The following ARHGAP45 variants were observed in gnomAD, a reference collection of about 807,000 sequenced individuals.
The protein encoded by ARHGAP45 is Rho GTPase activating protein 45, also known as rho GTPase-activating protein 45.
Under a neutral mutation model 116.1 loss-of-function variants are expected in ARHGAP45, and 56 were observed. That is an observed-to-expected ratio of 0.48 (90% CI 0.39 to 0.60). The LOEUF is 0.60. ARHGAP45 is among the 20% of genes least tolerant of loss of function. The pLI is 0.00. For missense variants in ARHGAP45, 1,622 were observed against 1,601.0 expected, an observed-to-expected ratio of 1.01 and a Z score of -0.22; for synonymous variants, 866 against 701.7, an observed-to-expected ratio of 1.23 and a Z score of -3.70.
At chr19:1,083,483 C>A in intron 21 of ARHGAP45, 130 bp downstream of exon 21, 1 of 749,844 alleles carries the variant, frequency 1.3e-6, no homozygotes, top group South Asian at 1.8e-5. Flanking sequence ...CAGGGCTGTT[C>A]GGGAGGCCAC....
intron 17 of ARHGAP45, 134 bp from the exon 18 acceptor site, chr19:1,081,416 C>T (rs1044858243): frequency 2.1e-6 from 2 of 947,894 alleles, no homozygotes; most frequent in Admixed American, 3.1e-5. Flanking sequence ...AGCCACGAGC[C>T]ACTGTCCAGC....
At position 1,086,093 on chromosome 19, in the gene ARHGAP45, G is replaced by A. The variant is rs933163842; in HGVS notation, c.*87G>A. ...GTCCCCTGCACCACGGCATAGCTTA[G>A]GTGCGCCGTCCTGGGGTCGCTGCCG... On this transcript the variant is annotated 3_prime_UTR_variant, in exon 23 of 23. Coordinates refer to ENST00000313093, the MANE Select transcript of ARHGAP45 (RefSeq NM_012292.5). 1.6e-6 allele frequency: 2 copies of A among 1,262,844 alleles called. No homozygotes were observed. The highest frequency in any genetic ancestry group is 3.0e-5 in the African/African-American group (2 of 67,692). 78.2% of individuals were successfully genotyped at this position (1,262,844 alleles called of 1,614,324 possible). A position where few individuals can be genotyped will look rare whatever the true frequency, so the allele number is the denominator to read the frequency against.
chr19:1,081,543 C>A lies in ARHGAP45; in HGVS notation c.2191-7C>A. Reference sequence around the variant, plus strand: ...GGGCTGGGCTCACTCACTCTGGCCGCCCCCAGTGCTGCCTGGCCTGCCACA... The same window carrying A: ...GGGCTGGGCTCACTCACTCTGGCCGACCCCAGTGCTGCCTGGCCTGCCACA... On this transcript the variant is annotated splice_region_variant and splice_polypyrimidine_tract_variant and intron_variant, in intron 17 of 22. Coordinates refer to ENST00000313093, the MANE Select transcript of ARHGAP45 (RefSeq NM_012292.5). The A allele has an allele frequency of 6.8e-7, 1 of 1,460,392 alleles. No homozygotes were observed. Among genetic ancestry groups the A allele is most frequent in the African/African-American group, 1.4e-5 (1 of 69,908 alleles). 90.5% of individuals were successfully genotyped at this position (1,460,392 alleles called of 1,614,324 possible).
Position 1,077,473 on chromosome 19 carries a change from T to A in ARHGAP45, c.1186-384T>A, listed in dbSNP as rs563195495. 1,662 of 1,028,770 alleles carry A rather than the reference T, an allele frequency of 1.6e-3. 2 individuals are homozygous for A. The highest frequency in any genetic ancestry group is 1.7e-3 in the Non-Finnish European group (1,407 of 837,166). 63.7% of individuals were successfully genotyped at this position (1,028,770 alleles called of 1,614,324 possible). ...CTCACTGCAACCTTCGCCTCCTGGG[T>A]TCAAGCTGTTCGCGATTCTAGTGCC... On this transcript the variant is annotated intron_variant, in intron 10 of 22. Coordinates refer to ENST00000313093, the MANE Select transcript of ARHGAP45 (RefSeq NM_012292.5).
rs139758368 is a variant in ARHGAP45 at position 1,069,535 on chromosome 19, G to GGCCAGGGCAGGGC, written c.421+791_421+792insGCCAGGGCAGGGC. On this transcript the variant is annotated intron_variant, in intron 2 of 22. Transcript: ENST00000313093. This position sits in a 1 kb window ranked among gnomAD's most constrained non-coding sequence, Gnocchi z 4.1. ...GTCTCTAGTGAGGCCCTGACCCCTG[G>GGCCAGGGCAGGGC]CTCACCCAGCCAGGGCAGGGCAGAG... is the stretch of plus-strand genomic sequence containing the variant. Among the ~76,000 whole-genome samples, 889 of 152,346 alleles carry GGCCAGGGCAGGGC rather than the reference G, an allele frequency of 5.8e-3. 6 individuals carry two copies. Among genetic ancestry groups the GGCCAGGGCAGGGC allele is most frequent in the African/African-American group, 0.021 (862 of 41,590 alleles).
Position 1,071,465 on chromosome 19 carries a change from C to G in ARHGAP45, c.422-1684C>G. On this transcript the variant is annotated intron_variant, in intron 2 of 22. Coordinates refer to ENST00000313093, the MANE Select transcript of ARHGAP45 (RefSeq NM_012292.5). The surrounding 1 kb of genome is among the most constrained non-coding windows in gnomAD (Gnocchi z 4.6). ...GGAGCAGCGGCTGCCGCGCGCCTGG[C>G]CTGGCCGTGCGCACCTGGGCATCCC... 2 of 886,352 alleles carry G rather than the reference C, an allele frequency of 2.3e-6. No homozygotes were observed. Among genetic ancestry groups the G allele is most frequent in the Non-Finnish European group, 2.8e-6 (2 of 726,702 alleles). The allele number at this position is 886,352 out of a possible 1,614,324, so 54.9% of individuals were successfully genotyped here.
chr19:1,082,559 A>C, intron 19 of ARHGAP45: 1 of 486,450 alleles, frequency 2.1e-6, no homozygotes, highest in Non-Finnish European at 3.6e-6. Context: ...GGAAGGGGTC[A>C]GACTATGCTG....
upstream of ARHGAP45, chr19:1,066,454 T>C (rs1201588305): frequency 2.2e-6 from 1 of 463,616 alleles, no homozygotes; most frequent in Non-Finnish European, 4.0e-6. Flanking sequence ...CTGGGGACCT[T>C]AGCTAAGGGC....
Position 1,082,831 on chromosome 19 carries a change from T to C in ARHGAP45, c.2518-9T>C, listed in dbSNP as rs373582916. ...CCACCAACACCTGCTGACCCTTGAC[T>C]CTGCGCAGCTTCCCGAGCCGCTCAT... On this transcript the variant is annotated splice_polypyrimidine_tract_variant and intron_variant, in intron 19 of 22. Coordinates refer to ENST00000313093, the MANE Select transcript of ARHGAP45 (RefSeq NM_012292.5). 4 of 1,485,104 alleles carry C rather than the reference T, an allele frequency of 2.7e-6. No homozygotes were observed. The highest frequency in any genetic ancestry group is 2.8e-5 in the African/African-American group (2 of 71,572). 92.0% of individuals were successfully genotyped at this position (1,485,104 alleles called of 1,614,324 possible).
At chr19:1,085,547 C>T in intron 22 of ARHGAP45, 113 bp from the exon 23 acceptor site, 1 of 753,456 alleles carries the variant, frequency 1.3e-6, no homozygotes, top group Non-Finnish European at 2.1e-6. Flanking sequence ...TCCTGTCTCT[C>T]CATCTCTCTC....
chr19:1,077,678 G>A (rs1186723873), intron 10 of ARHGAP45, 179 bp from the exon 11 acceptor site: 16 of 1,463,746 alleles, frequency 1.1e-5, no homozygotes, highest in Middle Eastern at 2.2e-4. Context: ...GAGCCACCGC[G>A]CCCGGCCACT....
At chr19:1,084,395 A>T in intron 22 of ARHGAP45, 49 bp downstream of exon 22, 1 of 1,437,302 alleles carries the variant, frequency 7.0e-7, no homozygotes, top group Non-Finnish European at 9.6e-7. Flanking sequence ...GGCGTGTGCC[A>T]CCCATGGGCG....
chr19:1,080,922 C>G lies in ARHGAP45; in HGVS notation c.2048C>G (p.Pro683Arg). 3 of 1,609,070 alleles carry G rather than the reference C, an allele frequency of 1.9e-6. No individual in the cohort carries two copies. The South Asian group carries it at 3.3e-5, about 18-fold the overall frequency. Residue 683 changes from proline to arginine, a missense_variant, in exon 17 of 23, where the codon CCG becomes CGG. Pro to Arg is a moderately radical substitution (Grantham distance 103, BLOSUM62 -2). Coordinates refer to ENST00000313093, the MANE Select transcript of ARHGAP45 (RefSeq NM_012292.5). ...CTCAACGGCATGACCCCCGAGCTGC[C>G]GGTGGCCGTGCCCAGTGGACCGTTC... ...ADLNGMTPEL[P>R]VAVPSGPFRH...
At chr19:1,066,016 C>T (rs1429795872), upstream of ARHGAP45, 8 of 1,535,036 alleles carry the variant, frequency 5.2e-6, no homozygotes, top group Non-Finnish European at 7.0e-6. Context: ...TGACCCCAGC[C>T]CTCAGCGCCA....
upstream of ARHGAP45, chr19:1,066,465 A>C (rs556122540): frequency 4.3e-4 from 193 of 444,656 alleles, 5 homozygotes; most frequent in South Asian, 4.4e-3. Context: ...AGCTAAGGGC[A>C]GGTCTGGGGC....
chr19:1,074,727 G>A lies in ARHGAP45; in HGVS notation c.1104+3G>A, dbSNP rs2145035008. On this transcript the variant is annotated splice_donor_region_variant and intron_variant, in intron 9 of 22. Transcript: ENST00000313093. ...TGCAGACCCAGACCTTCATGCAGGT[G>A]CGTGGTGCCCGGGAGGGCGGGCTGG... 1 of 1,606,162 alleles carries A rather than the reference G, an allele frequency of 6.2e-7. No homozygotes were observed. Among genetic ancestry groups the A allele is most frequent in the Middle Eastern group, 2.0e-4 (1 of 5,074 alleles).
At chr19:1,084,739 T>C (rs1384305915) in intron 22 of ARHGAP45, among the ~76,000 whole-genome samples, 1 of 152,080 alleles carries the variant, frequency 6.6e-6, no homozygotes, top group Non-Finnish European at 1.5e-5. Context: ...GCTGGCCGAG[T>C]GCCGCATCTA....
chr19:1,081,204 G>T lies in ARHGAP45; in HGVS notation c.2190+140G>T, dbSNP rs938744130. The T allele has an allele frequency of 6.1e-6, 6 of 980,848 alleles. No individual in the cohort carries two copies. The South Asian group carries it at 8.5e-5, about 14-fold the overall frequency. The allele number at this position is 980,848 out of a possible 1,614,324, so 60.8% of individuals were successfully genotyped here. ...CGCCTTTGGAAGGAAGCGAACGGAG[G>T]GGGTGGGGTGGGCTCTTTTAGTTCT... On this transcript the variant is annotated intron_variant, in intron 17 of 22. Coordinates refer to ENST00000313093, the MANE Select transcript of ARHGAP45 (RefSeq NM_012292.5).
In ARHGAP45 at chr19:1,085,934, G is replaced by C. The variant is rs764907474; in HGVS notation, c.3339G>C (p.Leu1113=). ...NQSNNVLQAP[L]PPMRLRGGRM... is the part of the protein sequence containing the mutation. ...CCAACAACGTGCTGCAGGCCCCACT[G>C]CCCCCCATGAGGCTCCGTGGCGGGC... The change falls in exon 23 of 23, where the codon CTG becomes CTC. Residue 1113 remains leucine (L), a synonymous_variant. Coordinates refer to ENST00000313093, the MANE Select transcript of ARHGAP45 (RefSeq NM_012292.5). The C allele has an allele frequency of 6.2e-7, 1 of 1,612,938 alleles. No individual in the cohort carries two copies.
Sources: allele counts gnomAD v4.1 joint callset (sites outside exome capture counted in the v4.1 genomes callset), GRCh38; gene constraint gnomAD v4.1.1; non-coding constraint Gnocchi (gnomAD v3.1); transcripts MANE v1.5; gene names NCBI Gene and HGNC (gene_info 2026-07-23, HGNC 2026-07-21).